ATRNL1: variants seen among roughly 807,000 people sequenced by gnomAD.
The protein encoded by ATRNL1 is attractin-like protein 1.
ATRNL1 carries 95 observed loss-of-function variants against 182.7 expected under a neutral mutation model. The observed-to-expected ratio is 0.52, with a 90% confidence interval of 0.44 to 0.62. ATRNL1 has a LOEUF of 0.62. ATRNL1 is among the 20% of genes least tolerant of loss of function. The pLI is 0.00. For synonymous variants in ATRNL1, 576 were observed against 568.3 expected (o/e 1.01, Z -0.19); for missense variants, 1,471 against 1,679.5 (o/e 0.88, Z 2.17).
intron 28 of ATRNL1, among the ~76,000 whole-genome samples, chr10:115,896,570 AT>A (rs1324336049): frequency 6.6e-6 from 1 of 152,218 alleles, no homozygotes; most frequent in African/African-American, 2.4e-5. Flanking sequence ...TGGAGTGTGA[AT>A]AATTATCCCA....
intron 19 of ATRNL1, among the ~76,000 whole-genome samples, chr10:115,389,365 C>T (rs940529351): frequency 7.3e-5 from 11 of 150,300 alleles, no homozygotes; most frequent in Admixed American, 1.3e-4. Flanking sequence ...ATTAGCCAGG[C>T]GGGCATTAGT....
chr10:115,778,246 A>C (rs1486301894), intron 27 of ATRNL1, among the ~76,000 whole-genome samples: 2 of 152,210 alleles, frequency 1.3e-5, no homozygotes, highest in African/African-American at 4.8e-5. Flanking sequence ...AAGAGGTTTA[A>C]GAGTAACAAT....
chr10:115,511,228 T>C (rs1850368946), intron 24 of ATRNL1, among the ~76,000 whole-genome samples: 1 of 152,076 alleles, frequency 6.6e-6, no homozygotes, highest in South Asian at 2.1e-4. Flanking sequence ...TGTTGAAAGT[T>C]TATATGGAAT....
chr10:115,112,068 C>CA (rs34563525), intron 1 of ATRNL1, among the ~76,000 whole-genome samples: 49,892 of 149,930 alleles, frequency 0.33, 8,579 homozygotes, highest in African/African-American at 0.43. Context: ...AAAAAAAACC[C>CA]AAAAAAAAAC....
Position 115,915,254 on chromosome 10 carries a change from C to G in ATRNL1, c.4019-29404C>G, listed in dbSNP as rs533003706. ...CTACTAAAAATACAAAAAAATTAGC[C>G]AGGCGTGGTGGCGGGCGCCTGTAGT... On this transcript the variant is annotated intron_variant, in intron 28 of 28. Coordinates refer to ENST00000355044, the MANE Select transcript of ATRNL1 (RefSeq NM_207303.4). 5.5e-4 allele frequency among the ~76,000 whole-genome samples: 84 copies of G among 152,120 alleles called. 1 individual carries two copies. The highest frequency in any genetic ancestry group is 1.9e-3 in the African/African-American group (77 of 41,482).
chr10:115,693,880 C>G (rs1434764364), intron 26 of ATRNL1, among the ~76,000 whole-genome samples: 1 of 151,920 alleles, frequency 6.6e-6, no homozygotes, highest in Non-Finnish European at 1.5e-5. Context: ...CATCATTGAC[C>G]AGAAACATAA....
chr10:115,496,826 T>A (rs1297547507), intron 24 of ATRNL1, among the ~76,000 whole-genome samples: 3 of 152,154 alleles, frequency 2.0e-5, no homozygotes, highest in African/African-American at 7.2e-5. Flanking sequence ...CCATTTAACA[T>A]TTTTTCTTTC....
chr10:115,220,104 C>G (rs1395866357), intron 9 of ATRNL1, among the ~76,000 whole-genome samples: 3 of 152,168 alleles, frequency 2.0e-5, no homozygotes, highest in African/African-American at 7.2e-5. Flanking sequence ...ATCAATTCCT[C>G]TAGTTATGGT....
intron 19 of ATRNL1, among the ~76,000 whole-genome samples, chr10:115,378,001 A>G (rs184449422): frequency 1.3e-5 from 2 of 152,058 alleles, no homozygotes; most frequent in East Asian, 3.9e-4. Flanking sequence ...CATTCTTGTA[A>G]GGGCTGCCAC....
intron 26 of ATRNL1, among the ~76,000 whole-genome samples, chr10:115,698,827 T>A (rs782537945): frequency 5.9e-5 from 9 of 151,546 alleles, no homozygotes; most frequent in Non-Finnish European, 8.8e-5. Flanking sequence ...AGAGCAGCTA[T>A]CCAGAAATGG....
intron 25 of ATRNL1, among the ~76,000 whole-genome samples, chr10:115,540,806 C>T (rs1009909278): frequency 6.6e-6 from 1 of 150,480 alleles, no homozygotes; most frequent in Non-Finnish European, 1.5e-5. Context: ...TGGAAGTAGT[C>T]ATTCTTAAGT....
chr10:115,365,411 T>C (rs1250653111), intron 19 of ATRNL1, among the ~76,000 whole-genome samples: 1 of 151,714 alleles, frequency 6.6e-6, no homozygotes, highest in African/African-American at 2.4e-5. Context: ...TCTTCTCTCT[T>C]TTTTTCTTTA....
chr10:115,774,425 CAAAAAAAAAAAAAA>C lies in ATRNL1; in HGVS notation c.3903+47086_3903+47099del, dbSNP rs56048429. On this transcript the variant is annotated intron_variant, in intron 27 of 28. Coordinates refer to ENST00000355044, the MANE Select transcript of ATRNL1 (RefSeq NM_207303.4). ...GGGCGACAAGAGCAAGACTCCATCTCAAAAAAAAAAAAAAAAAAAAAAAAAAAAATTAGATTAGT... is the reference window on the plus strand; with the variant it reads ...GGGCGACAAGAGCAAGACTCCATCTCAAAAAAAAAAAAAAATTAGATTAGT... 1.2e-4 allele frequency among the ~76,000 whole-genome samples: 8 copies of C among 69,372 alleles called. No individual in the cohort carries two copies. The Admixed American group carries it at 1.5e-3, about 13-fold the overall frequency. The allele number at this position is 69,372 out of a possible 152,430, so 45.5% of individuals were successfully genotyped here. A position where few individuals can be genotyped will look rare whatever the true frequency, so the allele number is the denominator to read the frequency against.
chr10:115,338,529 T>G (rs1855599001), intron 19 of ATRNL1, among the ~76,000 whole-genome samples: 1 of 152,232 alleles, frequency 6.6e-6, no homozygotes, highest in Non-Finnish European at 1.5e-5. Flanking sequence ...TGTCTTCTTT[T>G]GAGAAATATC....
intron 19 of ATRNL1, among the ~76,000 whole-genome samples, chr10:115,364,077 G>A (rs1403324425): frequency 1.3e-5 from 2 of 149,802 alleles, no homozygotes; most frequent in Non-Finnish European, 3.0e-5. Context: ...TAGCTTGATG[G>A]GGATGGCATT....
At chr10:115,715,859 T>A (rs75804669) in intron 26 of ATRNL1, among the ~76,000 whole-genome samples, 2,253 of 152,334 alleles carry the variant, frequency 0.015, 55 homozygotes, top group African/African-American at 0.051. Context: ...ACAGCACTTC[T>A]GAGCCTGCTT....
intron 17 of ATRNL1, among the ~76,000 whole-genome samples, chr10:115,312,840 A>T (rs1289432424): frequency 6.6e-6 from 1 of 152,026 alleles, no homozygotes; most frequent in African/African-American, 2.4e-5. Context: ...TGATTGGTAT[A>T]ATTCAAAAGC....
At chr10:115,406,738 A>C (rs77400047) in intron 20 of ATRNL1, among the ~76,000 whole-genome samples, 1 of 152,186 alleles carries the variant, frequency 6.6e-6, no homozygotes, top group East Asian at 1.9e-4. Context: ...AATCATTTTT[A>C]GTAATATTTT....
intron 20 of ATRNL1, among the ~76,000 whole-genome samples, chr10:115,418,779 G>T (rs1554961345): frequency 6.6e-6 from 1 of 152,156 alleles, no homozygotes; most frequent in Non-Finnish European, 1.5e-5. Flanking sequence ...CAGGGCAGGA[G>T]GGAATGTGAC....
Sources: gnomAD v4.1 joint callset for allele counts (sites outside exome capture counted in the v4.1 genomes callset) on GRCh38, gnomAD v4.1.1 for gene constraint, MANE v1.5 for transcripts, NCBI Gene and HGNC (gene_info 2026-07-23, HGNC 2026-07-21) for gene names.